CCM2: variants seen among roughly 807,000 people sequenced by gnomAD.
CCM2 encodes cerebral cavernous malformations 2 protein.
In CCM2, 25 loss-of-function variants were observed where a neutral mutation model predicts 44.9. The ratio of observed to expected loss-of-function variants is 0.56; its 90% confidence interval spans 0.41 to 0.78. The LOEUF (loss-of-function observed/expected upper bound fraction) is 0.78. Ranked by LOEUF, CCM2 falls within the 30% of genes least tolerant of loss-of-function variation. The probability of loss-of-function intolerance (pLI) is 0.00; values close to 1 mark genes in which losing one functional copy is unlikely to be tolerated. For synonymous variants in CCM2, 219 were observed against 241.1 expected (o/e 0.91, Z 0.85); for missense variants, 481 against 580.6 (o/e 0.83, Z 1.76).
chr7:45,019,152 A>AC (rs1237736119), intron 1 of CCM2, among the ~76,000 whole-genome samples: 1 of 145,486 alleles, frequency 6.9e-6, no homozygotes, highest in Non-Finnish European at 1.5e-5. Context: ...CAACCTTGCA[A>AC]CCTCCGCCTC....
chr7:45,057,161 T>A (rs1798301774), intron 2 of CCM2, among the ~76,000 whole-genome samples: 1 of 151,190 alleles, frequency 6.6e-6, no homozygotes, highest in African/African-American at 2.4e-5. Context: ...TCTCTTTTTT[T>A]CTTTCTTTCT....
chr7:45,042,124 A>T (rs1797534863), intron 2 of CCM2, among the ~76,000 whole-genome samples: 2 of 152,212 alleles, frequency 1.3e-5, no homozygotes, highest in Middle Eastern at 3.4e-3. Context: ...AAATACAAAA[A>T]TTAGCCAGTT....
At position 45,001,092 on chromosome 7, in the gene CCM2, T is replaced by A. The variant is rs183041745; in HGVS notation, c.30+729T>A. The stretch of plus-strand genomic sequence containing the variant: ...CTTGGCTATCATTTTCTTTTTGATG[T>A]GTGTGTGCGCACTTTTATCCACAAG... On this transcript the variant is annotated intron_variant, in intron 1 of 9. Coordinates refer to ENST00000258781, the MANE Select transcript of CCM2 (RefSeq NM_031443.4). Among the ~76,000 whole-genome samples the A allele has an allele frequency of 1.2e-3, 181 of 152,362 alleles. 1 individual carries two copies. The highest frequency in any genetic ancestry group is 0.011 in the Admixed American group (164 of 15,302).
chr7:45,034,601 C>T (rs1202427329), intron 1 of CCM2, among the ~76,000 whole-genome samples: 1 of 137,710 alleles, frequency 7.3e-6, no homozygotes, highest in Admixed American at 8.4e-5. Flanking sequence ...TCACTGCAAC[C>T]TCCGCTTCCC....
chr7:45,054,152 C>T (rs563210950), intron 2 of CCM2, among the ~76,000 whole-genome samples: 3 of 152,258 alleles, frequency 2.0e-5, no homozygotes, highest in South Asian at 2.1e-4. Flanking sequence ...ATCCCGTAGC[C>T]GGTGTCAGCC....
At chr7:45,000,621 C>A (rs1235024932) in intron 1 of CCM2, among the ~76,000 whole-genome samples, 1 of 152,128 alleles carries the variant, frequency 6.6e-6, no homozygotes, top group Non-Finnish European at 1.5e-5. Context: ...CTTCCCTGCG[C>A]GTCGGGACCT....
chr7:45,015,812 T>C (rs1796242802), intron 1 of CCM2, among the ~76,000 whole-genome samples: 1 of 152,190 alleles, frequency 6.6e-6, no homozygotes, highest in Admixed American at 6.5e-5. Context: ...ATGCTTCCCG[T>C]CTTGTCCTTG....
intron 2 of CCM2, among the ~76,000 whole-genome samples, chr7:45,039,085 C>A (rs1797359066): frequency 6.6e-6 from 1 of 152,130 alleles, no homozygotes; most frequent in Non-Finnish European, 1.5e-5. Flanking sequence ...GCAGAGGACC[C>A]AGAGTCCAGG....
chr7:45,065,560 C>T (rs374858177), intron 4 of CCM2, among the ~76,000 whole-genome samples: 7 of 152,142 alleles, frequency 4.6e-5, no homozygotes, highest in South Asian at 2.1e-4. Context: ...GAGAATCTGG[C>T]GAGTGTGTTC....
In CCM2 at chr7:45,040,466, T is replaced by C. The variant is rs564132631; in HGVS notation, c.204+2040T>C. ...AAAAGATGAGAAAGAGAAATGAAAT[T>C]AGATGACCAATTCAGGAAGTTCAAC... On this transcript the variant is annotated intron_variant, in intron 2 of 9. Coordinates refer to ENST00000258781, the MANE Select transcript of CCM2 (RefSeq NM_031443.4). Among the ~76,000 whole-genome samples the C allele has an allele frequency of 1.1e-4, 16 of 150,130 alleles. No homozygotes were observed. The highest frequency in any genetic ancestry group is 1.9e-4 in the Non-Finnish European group (13 of 67,486).
chr7:45,014,622 C>CTTTT (rs34116061), intron 1 of CCM2, among the ~76,000 whole-genome samples: 3 of 124,000 alleles, frequency 2.4e-5, no homozygotes, highest in South Asian at 2.6e-4. Context: ...CAGTCTTAAC[C>CTTTT]TTTTTTTTTT....
rs567841648 is a variant in CCM2, at chr7:45,076,143, C to T, written c.*86C>T. 1.3e-6 allele frequency: 2 copies of T among 1,581,008 alleles called. No homozygotes were observed. The highest frequency in any genetic ancestry group is 1.3e-5 in the African/African-American group (1 of 74,564). On this transcript the variant is annotated 3_prime_UTR_variant, in exon 10 of 10. Transcript: ENST00000258781. Reference sequence around the variant, plus strand: ...GGAGCTGCCCAGACCTGCGTGTCAGCCCTTGGTGGTGGCCAGGGAGAGGCG... The same window carrying T: ...GGAGCTGCCCAGACCTGCGTGTCAGTCCTTGGTGGTGGCCAGGGAGAGGCG...
At chr7:45,055,816 T>C (rs1232973647) in intron 2 of CCM2, among the ~76,000 whole-genome samples, 1 of 152,236 alleles carries the variant, frequency 6.6e-6, no homozygotes, top group Non-Finnish European at 1.5e-5. Flanking sequence ...ACTGAAACCA[T>C]GTTCCTGTTG....
chr7:45,025,024 A>G (rs936113384), intron 1 of CCM2, among the ~76,000 whole-genome samples: 2 of 151,920 alleles, frequency 1.3e-5, no homozygotes, highest in Non-Finnish European at 2.9e-5. Flanking sequence ...GTGGCCTTTA[A>G]TTTTTCTCAT....
At chr7:45,049,354 C>T (rs895540234) in intron 2 of CCM2, among the ~76,000 whole-genome samples, 11 of 152,214 alleles carry the variant, frequency 7.2e-5, no homozygotes, top group Non-Finnish European at 1.2e-4. Context: ...CATGTGCACC[C>T]TCCGTGGGAG....
chr7:45,001,280 T>G (rs1795615461), intron 1 of CCM2, among the ~76,000 whole-genome samples: 1 of 152,260 alleles, frequency 6.6e-6, no homozygotes, highest in African/African-American at 2.4e-5. Flanking sequence ...CAGGGAGTCC[T>G]GTGGTGCTGG....
rs546816313 is a variant in CCM2 at position 45,074,323 on chromosome 7, C to T, written c.969C>T (p.His323=). 2.7e-5 allele frequency: 44 copies of T among 1,613,786 alleles called. No individual in the cohort carries two copies. Among genetic ancestry groups the T allele is most frequent in the South Asian group, 1.5e-4 (14 of 91,090 alleles). ...QEIQQFAALL[H]EYRNGASIHE... is the part of the protein sequence containing the mutation. Reference sequence around the variant, plus strand: ...TCCAGCAGTTTGCAGCACTGCTGCACGAGTACCGCAATGGGGCCTCTATCC... The same window carrying T: ...TCCAGCAGTTTGCAGCACTGCTGCATGAGTACCGCAATGGGGCCTCTATCC... Residue 323 remains histidine (H), a synonymous_variant, in exon 9 of 10, where the codon CAC becomes CAT. Coordinates refer to ENST00000258781, the MANE Select transcript of CCM2 (RefSeq NM_031443.4).
chr7:45,037,590 G>A (rs1331734305), intron 1 of CCM2, among the ~76,000 whole-genome samples: 1 of 151,928 alleles, frequency 6.6e-6, no homozygotes, highest in Non-Finnish European at 1.5e-5. Flanking sequence ...GCTAATTTTT[G>A]TATTTTTAGT....
chr7:45,038,374 A>C lies in CCM2; in HGVS notation c.152A>C (p.Glu51Ala). 1.2e-6 allele frequency: 2 copies of C among 1,614,124 alleles called. No individual in the cohort carries two copies. The highest frequency in any genetic ancestry group is 1.7e-6 in the Non-Finnish European group (2 of 1,180,028). Reference sequence around the variant, plus strand: ...CACACTGTGGTGTTGTCATTGCCTGAGCGCGTCGAGCCAGACAGACTGCTG... The same window carrying C: ...CACACTGTGGTGTTGTCATTGCCTGCGCGCGTCGAGCCAGACAGACTGCTG... The part of the protein sequence containing the change: ...PLHTVVLSLP[E>A]RVEPDRLLSD... The change falls in exon 2 of 10, where the codon GAG (glutamate) becomes GCG (alanine). Residue 51 changes from glutamate to alanine, a missense_variant. Physicochemically the swap from Glu to Ala is moderately radical, Grantham distance 107. Coordinates refer to ENST00000258781, the MANE Select transcript of CCM2 (RefSeq NM_031443.4).
Sources: allele counts gnomAD v4.1 joint callset (sites outside exome capture counted in the v4.1 genomes callset), GRCh38; gene constraint gnomAD v4.1.1; transcripts MANE v1.5; gene names NCBI Gene and HGNC (gene_info 2026-07-23, HGNC 2026-07-21).